The following PALLD variants were observed in gnomAD, a reference collection of about 807,000 sequenced individuals.
The protein encoded by PALLD is palladin.
Under a neutral mutation model 123.5 loss-of-function variants are expected in PALLD, and 61 were observed. The ratio of observed to expected loss-of-function variants is 0.49; its 90% confidence interval spans 0.40 to 0.61. The LOEUF (loss-of-function observed/expected upper bound fraction) is 0.61. Ranked by LOEUF, PALLD falls within the 20% of genes least tolerant of loss-of-function variation. The pLI is 0.00. For synonymous variants in PALLD, 465 were observed against 496.4 expected (o/e 0.94, Z 0.84); for missense variants, 1,273 against 1,377.0 (o/e 0.92, Z 1.20).
intron 10 of PALLD, among the ~76,000 whole-genome samples, chr4:168,714,161 T>G: frequency 6.6e-6 from 1 of 152,108 alleles, no homozygotes; most frequent in Non-Finnish European, 1.5e-5. Context: ...AGTGGATGCT[T>G]GATGTGACAA....
At chr4:168,627,021 A>G (rs149697093) in intron 2 of PALLD, among the ~76,000 whole-genome samples, 1 of 152,360 alleles carries the variant, frequency 6.6e-6, no homozygotes, top group Non-Finnish European at 1.5e-5. Context: ...GATCTTTTGT[A>G]CAACAGCATG....
At chr4:168,778,185 C>T (rs1156802916) in intron 10 of PALLD, among the ~76,000 whole-genome samples, 1 of 152,070 alleles carries the variant, frequency 6.6e-6, no homozygotes, top group Admixed American at 6.5e-5. Context: ...ATATTCCAGC[C>T]TCAACTTTTG....
chr4:168,856,053 G>A (rs575564899), intron 10 of PALLD, among the ~76,000 whole-genome samples: 99 of 152,276 alleles, frequency 6.5e-4, no homozygotes, highest in African/African-American at 2.3e-3. Context: ...CCATCTTCAT[G>A]TTTGTGTGTA....
chr4:168,515,704 A>G (rs28660631), intron 2 of PALLD, among the ~76,000 whole-genome samples: 44,550 of 152,042 alleles, frequency 0.29, 6,655 homozygotes, highest in Non-Finnish European at 0.33. Context: ...AACACGGGGG[A>G]GAAACCTTTA....
chr4:168,664,769 GA>G (rs11301858), intron 2 of PALLD, among the ~76,000 whole-genome samples: 5,008 of 110,592 alleles, frequency 0.045, 124 homozygotes, highest in African/African-American at 0.088. Flanking sequence ...AGAGGAGGAG[GA>G]AAAAAAAAAA....
At chr4:168,823,492 C>A (rs561287692) in intron 10 of PALLD, among the ~76,000 whole-genome samples, 98 of 152,094 alleles carry the variant, frequency 6.4e-4, no homozygotes, top group African/African-American at 2.2e-3. Context: ...CCAGACTGGG[C>A]AACGTGGTGA....
chr4:168,797,937 ATCCT>A (rs1445247661), intron 10 of PALLD, among the ~76,000 whole-genome samples: 1 of 150,580 alleles, frequency 6.6e-6, no homozygotes, highest in African/African-American at 2.5e-5. Context: ...TTCCCTTCTG[ATCCT>A]AATCTGGCTA....
rs863224383 is a variant in PALLD, at chr4:168,878,122, C to T, written c.1965-12800C>T. 6.3e-5 allele frequency: 93 copies of T among 1,475,558 alleles called. No homozygotes were observed. The East Asian group carries it at 1.7e-3, about 27-fold the overall frequency. The allele number at this position is 1,475,558 out of a possible 1,614,324, so 91.4% of individuals were successfully genotyped here. On this transcript the variant is annotated intron_variant, in intron 10 of 21. Transcript: ENST00000505667. ...TCGCGCAGCCCTTCGGCGCTGAGCC[C>T]GAGGCCCCGTGGGGCTCCTCCTCGC...
chr4:168,573,151 C>T (rs4274810), intron 2 of PALLD, among the ~76,000 whole-genome samples: 6,337 of 151,640 alleles, frequency 0.042, 440 homozygotes, highest in African/African-American at 0.14. Context: ...AGGGCCTGTG[C>T]ATTTCCAGTT....
chr4:168,868,558 T>G (rs1387406113), intron 10 of PALLD, among the ~76,000 whole-genome samples: 8 of 152,172 alleles, frequency 5.3e-5, no homozygotes. Context: ...TAACTTAGTA[T>G]CAGCCATAAG....
intron 10 of PALLD, among the ~76,000 whole-genome samples, chr4:168,834,259 T>C (rs925202806): frequency 2.0e-5 from 3 of 152,096 alleles, no homozygotes; most frequent in African/African-American, 7.2e-5. Context: ...AAAATTCTGA[T>C]AGCTGGGATG....
chr4:168,616,792 TA>T (rs1235093709), intron 2 of PALLD, among the ~76,000 whole-genome samples: 1 of 152,144 alleles, frequency 6.6e-6, no homozygotes, highest in Non-Finnish European at 1.5e-5. Flanking sequence ...CCTAAGACCC[TA>T]AAGTTTGGGG....
intron 10 of PALLD, chr4:168,877,727 C>T (rs757681891): frequency 3.0e-5 from 34 of 1,146,804 alleles, no homozygotes; most frequent in Non-Finnish European, 3.5e-5. Context: ...CCCCAGGGAC[C>T]CTCTGAAGCT....
chr4:168,663,404 T>G (rs1779313332), intron 2 of PALLD, among the ~76,000 whole-genome samples: 1 of 152,138 alleles, frequency 6.6e-6, no homozygotes, highest in Admixed American at 6.5e-5. Flanking sequence ...AACTGCCTGT[T>G]TTGAGTAATT....
At chr4:168,589,781 C>T (rs1295730015) in intron 2 of PALLD, among the ~76,000 whole-genome samples, 1 of 152,150 alleles carries the variant, frequency 6.6e-6, no homozygotes, top group Non-Finnish European at 1.5e-5. Flanking sequence ...ACTTTTCTGC[C>T]CAGTGCCAGA....
chr4:168,920,509 A>AG (rs1423725433), intron 17 of PALLD, among the ~76,000 whole-genome samples: 1 of 152,288 alleles, frequency 6.6e-6, no homozygotes, highest in African/African-American at 2.4e-5. Context: ...AGTTGGGGGT[A>AG]GGGGGTAAAA....
At chr4:168,788,999 CCTGA>C (rs1308891149) in intron 10 of PALLD, among the ~76,000 whole-genome samples, 2 of 152,058 alleles carry the variant, frequency 1.3e-5, no homozygotes, top group Non-Finnish European at 2.9e-5. Flanking sequence ...AAACCAGAAT[CCTGA>C]CTTTCGTGAT....
intron 10 of PALLD, among the ~76,000 whole-genome samples, chr4:168,739,692 A>G (rs1423570053): frequency 6.6e-6 from 1 of 152,190 alleles, no homozygotes; most frequent in Non-Finnish European, 1.5e-5. Flanking sequence ...ATATGTACAA[A>G]CACTTGCATC....
At chr4:168,546,689 C>T (rs774527714) in intron 2 of PALLD, among the ~76,000 whole-genome samples, 2 of 152,142 alleles carry the variant, frequency 1.3e-5, no homozygotes, top group Admixed American at 1.3e-4. Context: ...CCCGCTGATA[C>T]GTGTACTATA....
Sources: gnomAD v4.1 joint callset for allele counts (sites outside exome capture counted in the v4.1 genomes callset) on GRCh38, gnomAD v4.1.1 for gene constraint, MANE v1.5 for transcripts, NCBI Gene and HGNC (gene_info 2026-07-23, HGNC 2026-07-21) for gene names.